The following LRRC20 variants were observed in gnomAD, a reference collection of about 807,000 sequenced individuals.
LRRC20 encodes leucine rich repeat containing 20, also known as leucine-rich repeat-containing protein 20.
LRRC20 carries 11 observed loss-of-function variants against 14.4 expected under a neutral mutation model. That is an observed-to-expected ratio of 0.77 (90% CI 0.48 to 1.27). The LOEUF is 1.27. Ranked by LOEUF, LRRC20 falls within the 50% of genes most tolerant of loss-of-function variation. The pLI is 0.00. For synonymous variants in LRRC20, 121 were observed against 107.3 expected, an observed-to-expected ratio of 1.13 and a Z score of -0.79; for missense variants, 219 against 251.2, an observed-to-expected ratio of 0.87 and a Z score of 0.87.
chr10:70,369,273 C>T (rs1844166091), intron 2 of LRRC20, among the ~76,000 whole-genome samples: 1 of 152,138 alleles, frequency 6.6e-6, no homozygotes, highest in South Asian at 2.1e-4. Flanking sequence ...CTCAGCCCTC[C>T]TCCTCATCCC....
chr10:70,306,015 CA>C (rs199658611), intron 4 of LRRC20, among the ~76,000 whole-genome samples: 1,586 of 152,202 alleles, frequency 0.01, 34 homozygotes, highest in African/African-American at 0.037. Flanking sequence ...GCTGGGATTC[CA>C]AGGCGTGAGC....
At chr10:70,311,626 G>A (rs187991720) in intron 4 of LRRC20, among the ~76,000 whole-genome samples, 1 of 152,266 alleles carries the variant, frequency 6.6e-6, no homozygotes, top group East Asian at 1.9e-4. Context: ...TAGGATGTGA[G>A]GTTCTAGAAT....
At chr10:70,323,744 G>T in intron 4 of LRRC20, 119 bp downstream of exon 4, 1 of 1,147,954 alleles carries the variant, frequency 8.7e-7, no homozygotes, top group Non-Finnish European at 1.2e-6. Context: ...CCTTTGCTCA[G>T]GCATCTCAGA....
chr10:70,304,551 A>T (rs1314749592), intron 4 of LRRC20, among the ~76,000 whole-genome samples: 1 of 140,550 alleles, frequency 7.1e-6, no homozygotes, highest in African/African-American at 2.6e-5. Context: ...ATTATTTTTA[A>T]TTTTTAATTG....
Position 70,301,009 on chromosome 10 carries a change from A to C in LRRC20, c.*345T>G. The C allele has an allele frequency of 9.6e-7, 1 of 1,046,648 alleles. No homozygotes were observed. The highest frequency in any genetic ancestry group is 1.1e-6 in the Non-Finnish European group (1 of 870,482). The allele number at this position is 1,046,648 out of a possible 1,614,324, so 64.8% of individuals were successfully genotyped here. On this transcript the variant is annotated 3_prime_UTR_variant, in exon 5 of 5. Coordinates refer to ENST00000446961, the MANE Select transcript of LRRC20 (RefSeq NM_001278212.2). ...GCCTGCTGATCTGGAGGTAACTTGG[A>C]GGCACGTACTGCTTAAAAACCTCCA...
At chr10:70,376,396 A>T in intron 2 of LRRC20, 56 bp downstream of exon 2, 1 of 1,550,970 alleles carries the variant, frequency 6.4e-7, no homozygotes, top group Non-Finnish European at 8.9e-7. Flanking sequence ...TTTCATTTCT[A>T]AGCTGATCTC....
At chr10:70,318,048 G>C (rs1263653466) in intron 4 of LRRC20, among the ~76,000 whole-genome samples, 1 of 152,214 alleles carries the variant, frequency 6.6e-6, no homozygotes, top group East Asian at 1.9e-4. Context: ...ATCACTGGGG[G>C]TTCTTGCTCA....
intron 4 of LRRC20, among the ~76,000 whole-genome samples, chr10:70,309,072 G>A (rs905848885): frequency 3.9e-5 from 6 of 152,178 alleles, no homozygotes; most frequent in Admixed American, 2.6e-4. Context: ...ATATTCAGGA[G>A]TTCTGTTGCA....
chr10:70,318,134 T>G (rs766971710), intron 4 of LRRC20, among the ~76,000 whole-genome samples: 1 of 152,196 alleles, frequency 6.6e-6, no homozygotes, highest in Non-Finnish European at 1.5e-5. Flanking sequence ...GGAATGCCCA[T>G]GCTGCCAGCC....
intron 4 of LRRC20, among the ~76,000 whole-genome samples, chr10:70,316,774 C>G (rs1841879377): frequency 6.6e-6 from 1 of 152,258 alleles, no homozygotes; most frequent in African/African-American, 2.4e-5. Flanking sequence ...GCTCCTTGCA[C>G]TGTTTGTCTA....
At chr10:70,333,778 C>A (rs1842622971) in intron 3 of LRRC20, among the ~76,000 whole-genome samples, 1 of 152,204 alleles carries the variant, frequency 6.6e-6, no homozygotes, top group South Asian at 2.1e-4. Context: ...TGGGGTCTGC[C>A]CCTTGTGCAT....
At chr10:70,375,108 A>AC (rs1215541380) in intron 2 of LRRC20, among the ~76,000 whole-genome samples, 1 of 152,124 alleles carries the variant, frequency 6.6e-6, no homozygotes, top group Non-Finnish European at 1.5e-5. Flanking sequence ...ACTGACCAGT[A>AC]CAGGATTCCG....
intron 4 of LRRC20, among the ~76,000 whole-genome samples, chr10:70,309,797 T>A (rs1228204545): frequency 6.6e-6 from 1 of 152,228 alleles, no homozygotes; most frequent in Admixed American, 6.5e-5. Flanking sequence ...GGCTAGTACT[T>A]CTGAGGATGG....
At chr10:70,319,073 C>T (rs1048517051) in intron 4 of LRRC20, among the ~76,000 whole-genome samples, 6 of 151,084 alleles carry the variant, frequency 4.0e-5, no homozygotes, top group African/African-American at 1.5e-4. Flanking sequence ...TGCCAAAGTG[C>T]TGGAATTACA....
At chr10:70,378,846 T>C (rs1844605941) in intron 1 of LRRC20, among the ~76,000 whole-genome samples, 1 of 151,084 alleles carries the variant, frequency 6.6e-6, no homozygotes, top group Admixed American at 6.6e-5. Context: ...CTCAGGAGGC[T>C]GAGGCAGGAG....
intron 2 of LRRC20, among the ~76,000 whole-genome samples, chr10:70,357,227 G>A (rs10999291): frequency 2.6e-5 from 4 of 152,232 alleles, no homozygotes; most frequent in African/African-American, 7.2e-5. Flanking sequence ...AAAGGACTCC[G>A]CATGGTACAG....
chr10:70,380,432 TC>T (rs1229390277), intron 1 of LRRC20, among the ~76,000 whole-genome samples: 1 of 152,186 alleles, frequency 6.6e-6, no homozygotes, highest in Admixed American at 6.5e-5. Context: ...TTTCATGAAG[TC>T]CAGCTGACAG....
Position 70,301,147 on chromosome 10 carries a change from G to A in LRRC20, c.*207C>T. 1 of 1,377,154 alleles carries A rather than the reference G, an allele frequency of 7.3e-7. No individual in the cohort carries two copies. Among genetic ancestry groups the A allele is most frequent in the Non-Finnish European group, 9.4e-7 (1 of 1,068,306 alleles). The allele number at this position is 1,377,154 out of a possible 1,614,324, so 85.3% of individuals were successfully genotyped here. A position where few individuals can be genotyped will look rare whatever the true frequency, so the allele number is the denominator to read the frequency against. ...CTGTGAGTGCCGAGTCCAGGCTGCA[G>A]GCCCCACCTTGCCTCTTCCCTTGGG... is the stretch of plus-strand genomic sequence containing the variant. On this transcript the variant is annotated 3_prime_UTR_variant, in exon 5 of 5. Transcript: ENST00000446961.
At position 70,300,283 on chromosome 10, in the gene LRRC20, C is replaced by G; in HGVS notation, c.*1071G>C. 1.2e-6 allele frequency: 1 copy of G among 869,260 alleles called. No individual in the cohort carries two copies. Among genetic ancestry groups the G allele is most frequent in the Non-Finnish European group, 1.4e-6 (1 of 724,074 alleles). 53.8% of individuals were successfully genotyped at this position (869,260 alleles called of 1,614,324 possible). A position where few individuals can be genotyped will look rare whatever the true frequency, so the allele number is the denominator to read the frequency against. On this transcript the variant is annotated 3_prime_UTR_variant, in exon 5 of 5. Coordinates refer to ENST00000446961, the MANE Select transcript of LRRC20 (RefSeq NM_001278212.2). ...ACCATCCCCACTTGCTGGGTACTGT[C>G]CCAGTTTTAGCATTGAAAGTTCCAT...
Sources: allele counts gnomAD v4.1 joint callset (sites outside exome capture counted in the v4.1 genomes callset), GRCh38; gene constraint gnomAD v4.1.1; transcripts MANE v1.5; gene names NCBI Gene and HGNC (gene_info 2026-07-23, HGNC 2026-07-21).